Variants in MPP1 observed in about 807,000 individuals in gnomAD.
The protein encoded by MPP1 is 55 kDa erythrocyte membrane protein.
MPP1 carries 6 observed loss-of-function variants against 38.2 expected under a neutral mutation model. That is an observed-to-expected ratio of 0.16 (90% CI 0.09 to 0.31). The LOEUF (loss-of-function observed/expected upper bound fraction) is 0.31. Ranked by LOEUF, MPP1 falls within the 10% of genes least tolerant of loss-of-function variation. The pLI is 1.00. For synonymous variants in MPP1, 153 were observed against 146.3 expected (o/e 1.05, Z -0.33); for missense variants, 293 against 368.9 (o/e 0.79, Z 1.69).
intron 1 of MPP1, among the ~76,000 whole-genome samples, chrX:154,803,583 C>T (rs781990573): frequency 4.5e-5 from 5 of 112,240 alleles, no homozygotes; most frequent in African/African-American, 1.6e-4. Flanking sequence ...ATACATCATA[C>T]TGTAGGATTC....
intron 1 of MPP1, among the ~76,000 whole-genome samples, chrX:154,796,562 A>G (rs1450896105): frequency 6.2e-5 from 7 of 112,369 alleles, no homozygotes; most frequent in Non-Finnish European, 1.3e-4. Context: ...AGTTTAGTTG[A>G]GCATCTTGCC....
intron 1 of MPP1, among the ~76,000 whole-genome samples, chrX:154,794,543 C>A (rs4898396): frequency 0.39 from 42,594 of 110,550 alleles, 6,924 homozygotes; most frequent in African/African-American, 0.63. Context: ...GGGATAGCTG[C>A]ATTCCAGTCA....
chrX:154,783,512 G>A lies in MPP1; in HGVS notation c.866-5C>T, dbSNP rs1557266868. ...TGCGACCCACCCCACTGGCTCCTGTGTAGAGAGAGAAGAACATCTTTTGGA... is the reference window on the plus strand; with the variant it reads ...TGCGACCCACCCCACTGGCTCCTGTATAGAGAGAGAAGAACATCTTTTGGA... On this transcript the variant is annotated splice_region_variant and splice_polypyrimidine_tract_variant and intron_variant, in intron 8 of 11. Transcript: ENST00000369534. The A allele has an allele frequency of 8.4e-7, 1 of 1,196,159 alleles. No individual in the cohort carries two copies.
intron 9 of MPP1, chrX:154,782,828 G>C (rs1334803118): frequency 8.9e-6 from 1 of 112,273 alleles, no homozygotes. Flanking sequence ...CACAGTCTTC[G>C]AAGAGCCTAT....
At chrX:154,790,074 T>A in intron 4 of MPP1, 52 bp from the exon 5 acceptor site, 1 of 829,091 alleles carries the variant, frequency 1.2e-6, no homozygotes, top group Non-Finnish European at 1.7e-6. Context: ...TTGAATGATG[T>A]GATCATTCAT....
intron 1 of MPP1, among the ~76,000 whole-genome samples, chrX:154,798,989 C>T (rs2072232158): frequency 8.9e-6 from 1 of 111,817 alleles, no homozygotes; most frequent in East Asian, 2.8e-4. Context: ...CCGCCTCGGC[C>T]TCCCAAAGTG....
intron 1 of MPP1, among the ~76,000 whole-genome samples, chrX:154,794,460 TGGAGGA>T (rs202076695): frequency 4.5e-5 from 5 of 111,007 alleles, no homozygotes; most frequent in Non-Finnish European, 9.5e-5. Context: ...TATAGCCACC[TGGAGGA>T]GGAGGAGGAG....
At chrX:154,780,050 C>G (rs1557266428) in intron 11 of MPP1, among the ~76,000 whole-genome samples, 1 of 112,705 alleles carries the variant, frequency 8.9e-6, no homozygotes, top group East Asian at 2.8e-4. Flanking sequence ...CCAGATCACA[C>G]CTGTAATCCC....
chrX:154,797,997 G>T (rs781824919), intron 1 of MPP1, among the ~76,000 whole-genome samples: 7 of 112,325 alleles, frequency 6.2e-5, no homozygotes, highest in South Asian at 7.3e-4. Context: ...ATATAAAGAT[G>T]GCAAATGAGG....
At chrX:154,781,343 G>A (rs782566720) in intron 10 of MPP1, 30 bp from the exon 11 acceptor site, 25 of 146,569 alleles carry the variant, frequency 1.7e-4, no homozygotes, top group South Asian at 8.2e-4. Flanking sequence ...GCGGCGGGGA[G>A]GGGGGGGAAG....
chrX:154,805,239 C>T (rs2148545324), intron 1 of MPP1, 33 bp downstream of exon 1: 2 of 1,160,915 alleles, frequency 1.7e-6, no homozygotes, highest in Non-Finnish European at 2.3e-6. Flanking sequence ...GAGCCCCGGC[C>T]CAGCGCCCTT....
intron 5 of MPP1, among the ~76,000 whole-genome samples, chrX:154,788,213 T>TA (rs1162321273): frequency 8.9e-6 from 1 of 112,197 alleles, no homozygotes; most frequent in Non-Finnish European, 1.9e-5. Flanking sequence ...TCATTAAAAT[T>TA]AAGAGTTTCT....
chrX:154,787,846 C>T (rs1258129111), intron 5 of MPP1, among the ~76,000 whole-genome samples: 1 of 112,351 alleles, frequency 8.9e-6, no homozygotes. Context: ...TGTGAAGATG[C>T]CTCTTTTATC....
rs192505909 is a variant in MPP1, at chrX:154,778,733, C to A, written c.*444G>T. On this transcript the variant is annotated 3_prime_UTR_variant, in exon 12 of 12. Transcript: ENST00000369534. The stretch of plus-strand genomic sequence containing the variant: ...ATTGCTTTTGAAGGTTTCCCTAGAG[C>A]AGACATCATTCTATTGCACAGATGT... 6 of 120,536 alleles carry A rather than the reference C, an allele frequency of 5.0e-5. No homozygotes were observed. In the East Asian group the frequency reaches 1.5e-3, roughly 31 times the overall value. The allele number at this position is 120,536 out of a possible 1,213,427, so 9.9% of individuals were successfully genotyped here.
chrX:154,804,807 C>T (rs1012401688), intron 1 of MPP1: 4 of 343,638 alleles, frequency 1.2e-5, no homozygotes, highest in Admixed American at 6.2e-5. Context: ...CCTCTTTGCA[C>T]CATAGCACAA....
chrX:154,790,781 T>C (rs1205598687), intron 4 of MPP1, among the ~76,000 whole-genome samples: 8 of 112,276 alleles, frequency 7.1e-5, no homozygotes, highest in Non-Finnish European at 1.9e-5. Context: ...ATTGATGCTC[T>C]GGGTTATTTG....
intron 8 of MPP1, 67 bp from the exon 9 acceptor site, chrX:154,783,574 C>CCT: frequency 1.1e-6 from 1 of 949,770 alleles, no homozygotes; most frequent in Admixed American, 2.5e-5. Flanking sequence ...TACGGATTTT[C>CCT]CTCTCTCGGC....
Position 154,783,351 on chromosome X carries a change from A to C in MPP1, c.946+76T>G. The C allele has an allele frequency of 1.3e-5, 7 of 520,983 alleles. No homozygotes were observed. The South Asian group carries it at 4.6e-4, about 35-fold the overall frequency. 42.9% of individuals were successfully genotyped at this position (520,983 alleles called of 1,213,427 possible). A position where few individuals can be genotyped will look rare whatever the true frequency, so the allele number is the denominator to read the frequency against. Reference sequence around the variant, plus strand: ...ATAAAATAATTTAAAAAATAATAAAATAACACTATGGTATTTCAGATGGCG... The same window carrying C: ...ATAAAATAATTTAAAAAATAATAAACTAACACTATGGTATTTCAGATGGCG... On this transcript the variant is annotated intron_variant, in intron 9 of 11. Transcript: ENST00000369534.
chrX:154,790,831 T>C (rs937184502), intron 4 of MPP1, 152 bp downstream of exon 4: 3 of 466,910 alleles, frequency 6.4e-6, no homozygotes, highest in Non-Finnish European at 1.1e-5. Context: ...CAGAAAATTA[T>C]CATTTCTTAC....
Sources: allele counts gnomAD v4.1 joint callset (sites outside exome capture counted in the v4.1 genomes callset), GRCh38; gene constraint gnomAD v4.1.1; transcripts MANE v1.5; gene names NCBI Gene and HGNC (gene_info 2026-07-23, HGNC 2026-07-21).